Variants in TOX2 observed in about 807,000 individuals in gnomAD.
TOX2 encodes the protein granulosa cell HMG box 1.
In TOX2, 15 loss-of-function variants were observed where a neutral mutation model predicts 47.4. The ratio of observed to expected loss-of-function variants is 0.32; its 90% CI spans 0.21 to 0.49. TOX2 has a LOEUF of 0.49. TOX2 is among the 20% of genes least tolerant of loss of function. The pLI, the probability that TOX2 is intolerant of heterozygous loss-of-function variation, is 0.99. For synonymous variants in TOX2, 290 were observed against 296.6 expected, an observed-to-expected ratio of 0.98 and a Z score of 0.23; for missense variants, 622 against 673.1, an observed-to-expected ratio of 0.92 and a Z score of 0.84.
intron 3 of TOX2, among the ~76,000 whole-genome samples, chr20:44,024,349 A>C (rs571551551): frequency 2.6e-4 from 40 of 152,312 alleles, no homozygotes; most frequent in Non-Finnish European, 5.1e-4. Context: ...TATTCAGAGG[A>C]CTAAGCATCA....
intron 6 of TOX2, among the ~76,000 whole-genome samples, chr20:44,065,203 A>AC (rs1200384996): frequency 2.0e-5 from 3 of 152,096 alleles, no homozygotes; most frequent in Admixed American, 2.0e-4. Flanking sequence ...GGGACACGCT[A>AC]CCCCAAAATA....
intron 1 of TOX2, among the ~76,000 whole-genome samples, chr20:43,955,876 C>T (rs1165816243): frequency 5.3e-5 from 8 of 152,222 alleles, no homozygotes; most frequent in Admixed American, 3.9e-4. Flanking sequence ...AACCCATTCT[C>T]CACCCAGAAG....
intron 3 of TOX2, among the ~76,000 whole-genome samples, chr20:44,014,104 G>A (rs6103563): frequency 0.042 from 5,682 of 134,400 alleles, 331 homozygotes; most frequent in African/African-American, 0.13. Context: ...GCACTCCAGC[G>A]TGGGTGACAG....
intron 1 of TOX2, among the ~76,000 whole-genome samples, chr20:43,945,061 G>C (rs2069447223): frequency 6.6e-6 from 1 of 152,174 alleles, no homozygotes; most frequent in Non-Finnish European, 1.5e-5. Flanking sequence ...CCTTTGGCCT[G>C]ATGGCTTCAG....
chr20:43,984,466 G>C (rs187980788), intron 2 of TOX2, among the ~76,000 whole-genome samples: 484 of 152,302 alleles, frequency 3.2e-3, no homozygotes, highest in South Asian at 0.015. Context: ...AAATGGCCTA[G>C]CTTCTCTTAT....
chr20:44,054,834 C>T (rs2071590822), intron 5 of TOX2, among the ~76,000 whole-genome samples: 1 of 152,196 alleles, frequency 6.6e-6, no homozygotes, highest in African/African-American at 2.4e-5. Context: ...CCCACCAACC[C>T]TAAAAGTCTG....
intron 1 of TOX2, among the ~76,000 whole-genome samples, chr20:43,929,650 C>T (rs571693052): frequency 6.6e-6 from 1 of 152,258 alleles, no homozygotes; most frequent in South Asian, 2.1e-4. Context: ...CTCATCTGTG[C>T]AGTTGTCTTT....
intron 2 of TOX2, among the ~76,000 whole-genome samples, chr20:43,986,520 G>A (rs1452294013): frequency 6.6e-6 from 1 of 152,036 alleles, no homozygotes; most frequent in Non-Finnish European, 1.5e-5. Context: ...GACCTCAAGT[G>A]ATCTGCCCAC....
At chr20:44,008,759 G>A (rs6103559) in intron 3 of TOX2, among the ~76,000 whole-genome samples, 115,586 of 152,060 alleles carry the variant, frequency 0.76, 44,959 homozygotes, top group African/African-American at 0.93. Flanking sequence ...TGACTCTTAC[G>A]TTCATTTTTA....
intron 1 of TOX2, among the ~76,000 whole-genome samples, chr20:43,928,994 A>C (rs865943173): frequency 4.0e-5 from 6 of 149,326 alleles, no homozygotes; most frequent in African/African-American, 1.3e-4. Context: ...AAAAAAAAAA[A>C]AAAAACAACA....
chr20:44,040,601 C>T (rs908107755), intron 3 of TOX2, among the ~76,000 whole-genome samples: 3 of 152,266 alleles, frequency 2.0e-5, no homozygotes, highest in Non-Finnish European at 2.9e-5. Context: ...ATTCCGCCTC[C>T]TGTATAGTTG....
intron 1 of TOX2, among the ~76,000 whole-genome samples, chr20:43,966,753 CAAA>C (rs11483515): frequency 6.6e-5 from 6 of 91,082 alleles, no homozygotes; most frequent in Admixed American, 1.2e-4. Flanking sequence ...AACTCTGTCT[CAAA>C]AAAAAAAAAA....
At chr20:43,925,173 C>T (rs1255354197) in intron 1 of TOX2, among the ~76,000 whole-genome samples, 3 of 151,456 alleles carry the variant, frequency 2.0e-5, no homozygotes, top group Non-Finnish European at 4.4e-5. Flanking sequence ...TTCTTCTGTT[C>T]ACTTTTAGGC....
intron 3 of TOX2, among the ~76,000 whole-genome samples, chr20:44,044,128 G>GGAT (rs60437961): frequency 1.4e-5 from 1 of 70,594 alleles, no homozygotes; most frequent in African/African-American, 4.2e-5. Context: ...TCCTTTGTAG[G>GGAT]GACATGGATG....
intron 1 of TOX2, among the ~76,000 whole-genome samples, chr20:43,945,534 A>G (rs1463963692): frequency 6.6e-6 from 1 of 152,242 alleles, no homozygotes; most frequent in Non-Finnish European, 1.5e-5. Context: ...CAAGTTTCAC[A>G]CGTTGACAGG....
intron 5 of TOX2, among the ~76,000 whole-genome samples, chr20:44,056,912 GTTAT>G (rs1569143570): frequency 1.3e-5 from 2 of 151,874 alleles, no homozygotes; most frequent in East Asian, 1.9e-4. Flanking sequence ...TGTCTCCTTT[GTTAT>G]TTGTTTTTTA....
At chr20:43,995,178 T>C (rs1382802172) in intron 2 of TOX2, among the ~76,000 whole-genome samples, 1 of 152,138 alleles carries the variant, frequency 6.6e-6, no homozygotes, top group African/African-American at 2.4e-5. Flanking sequence ...GGCATAATTG[T>C]CCTGATTTTC....
intron 1 of TOX2, among the ~76,000 whole-genome samples, chr20:43,939,599 A>G (rs775266325): frequency 6.6e-6 from 1 of 152,212 alleles, no homozygotes; most frequent in Non-Finnish European, 1.5e-5. Flanking sequence ...ACAAATGAAT[A>G]TGTGCGGTGA....
intron 1 of TOX2, among the ~76,000 whole-genome samples, chr20:43,923,158 C>G (rs987839501): frequency 6.6e-6 from 1 of 151,970 alleles, no homozygotes; most frequent in Non-Finnish European, 1.5e-5. Context: ...AACCTGCCTG[C>G]GTGGGAGTTG....
Sources: allele counts gnomAD v4.1 joint callset (sites outside exome capture counted in the v4.1 genomes callset), GRCh38; gene constraint gnomAD v4.1.1; transcripts MANE v1.5; gene names NCBI Gene and HGNC (gene_info 2026-07-23, HGNC 2026-07-21).